SPAG16: variants seen among roughly 807,000 people sequenced by gnomAD.
SPAG16 encodes sperm-associated antigen 16 protein.
A neutral mutation model predicts 80.4 loss-of-function variants in SPAG16; 86 were observed. The ratio of observed to expected loss-of-function variants is 1.07; its 90% CI spans 0.90 to 1.28. The LOEUF (loss-of-function observed/expected upper bound fraction) is 1.28. SPAG16 is among the 50% of genes most tolerant of loss of function. The probability of loss-of-function intolerance (pLI) is 0.00; values close to 1 mark genes in which losing one functional copy is unlikely to be tolerated. For synonymous variants in SPAG16, 294 were observed against 265.9 expected (o/e 1.11, Z -1.03); for missense variants, 870 against 765.3 (o/e 1.14, Z -1.61).
chr2:213,959,816 C>A (rs2044325359), intron 12 of SPAG16, among the ~76,000 whole-genome samples: 1 of 152,176 alleles, frequency 6.6e-6, no homozygotes, highest in South Asian at 2.1e-4. Flanking sequence ...CACGCACACA[C>A]ACCTAAACCT....
chr2:214,353,517 A>T (rs1343689015), intron 15 of SPAG16, among the ~76,000 whole-genome samples: 3 of 152,156 alleles, frequency 2.0e-5, no homozygotes, highest in Admixed American at 2.0e-4. Context: ...GTCTCAGTAA[A>T]TTCTTTCTTT....
intron 9 of SPAG16, among the ~76,000 whole-genome samples, chr2:213,451,674 A>G (rs1300126274): frequency 6.6e-6 from 1 of 152,154 alleles, no homozygotes; most frequent in East Asian, 1.9e-4. Context: ...AGTGGTAGTA[A>G]AAATGTCAGG....
chr2:213,599,324 C>T (rs2060984573), intron 10 of SPAG16, among the ~76,000 whole-genome samples: 1 of 152,180 alleles, frequency 6.6e-6, no homozygotes, highest in African/African-American at 2.4e-5. Flanking sequence ...CCAAGCTCAA[C>T]TGACATAAAC....
chr2:213,408,069 GGA>G (rs1219696815), intron 9 of SPAG16, among the ~76,000 whole-genome samples: 2 of 150,940 alleles, frequency 1.3e-5, no homozygotes, highest in East Asian at 1.9e-4. Context: ...GGGAGAGGCA[GGA>G]GAGAGAGAAA....
intron 11 of SPAG16, among the ~76,000 whole-genome samples, chr2:213,920,016 G>A (rs2078138564): frequency 6.6e-6 from 1 of 152,136 alleles, no homozygotes; most frequent in Admixed American, 6.5e-5. Flanking sequence ...TCTTCTCATC[G>A]AATTGAAATC....
At chr2:213,954,289 A>C (rs905081901) in intron 12 of SPAG16, among the ~76,000 whole-genome samples, 2 of 152,042 alleles carry the variant, frequency 1.3e-5, no homozygotes, top group African/African-American at 4.8e-5. Context: ...TATAATATGC[A>C]ACCTTTGGTG....
intron 7 of SPAG16, among the ~76,000 whole-genome samples, chr2:213,360,446 C>T (rs1297805381): frequency 1.3e-5 from 2 of 152,198 alleles, no homozygotes; most frequent in African/African-American, 2.4e-5. Context: ...ATCCATTATA[C>T]AAGTCTAAAC....
At chr2:213,674,490 C>G (rs144801466) in intron 10 of SPAG16, among the ~76,000 whole-genome samples, 1,801 of 150,890 alleles carry the variant, frequency 0.012, 43 homozygotes, top group African/African-American at 0.031. Context: ...CCCACTAACT[C>G]GTCATCTAGC....
chr2:213,595,688 T>C lies in SPAG16; in HGVS notation c.1070+105598T>C, dbSNP rs142952132. On this transcript the variant is annotated intron_variant, in intron 10 of 15. Coordinates refer to ENST00000331683, the MANE Select transcript of SPAG16 (RefSeq NM_024532.5). ...AAATAAATTAAATTGCTACCTTAAGTAATATGGTGGATTTTAAGTTCCAAA... is the reference window on the plus strand; with the variant it reads ...AAATAAATTAAATTGCTACCTTAAGCAATATGGTGGATTTTAAGTTCCAAA... 1.8e-3 allele frequency among the ~76,000 whole-genome samples: 267 copies of C among 152,240 alleles called. 1 individual carries two copies. Among genetic ancestry groups the C allele is most frequent in the African/African-American group, 6.3e-3 (260 of 41,574 alleles).
chr2:213,677,084 T>C (rs1406314894), intron 10 of SPAG16, among the ~76,000 whole-genome samples: 1 of 152,076 alleles, frequency 6.6e-6, no homozygotes, highest in Admixed American at 6.6e-5. Flanking sequence ...TATTCAGAGA[T>C]TCAACTTCTT....
At chr2:213,400,625 G>A (rs1293779152) in intron 9 of SPAG16, among the ~76,000 whole-genome samples, 1 of 152,048 alleles carries the variant, frequency 6.6e-6, no homozygotes, top group Non-Finnish European at 1.5e-5. Flanking sequence ...ATATAGCTGG[G>A]CATATAGTTA....
At chr2:213,857,813 G>T (rs1412770217) in intron 10 of SPAG16, among the ~76,000 whole-genome samples, 1 of 152,092 alleles carries the variant, frequency 6.6e-6, no homozygotes, top group Non-Finnish European at 1.5e-5. Flanking sequence ...AAAACCTTCT[G>T]GAAAGAGACT....
intron 13 of SPAG16, among the ~76,000 whole-genome samples, chr2:214,090,403 G>C (rs2052100680): frequency 6.6e-6 from 1 of 151,812 alleles, no homozygotes; most frequent in Admixed American, 6.6e-5. Flanking sequence ...CCGGAAAATA[G>C]ACTGTGACGA....
At chr2:213,453,210 A>G (rs1198796129) in intron 9 of SPAG16, among the ~76,000 whole-genome samples, 1 of 152,110 alleles carries the variant, frequency 6.6e-6, no homozygotes, top group Admixed American at 6.5e-5. Flanking sequence ...TTCCATTTCA[A>G]GCTCTGAGAG....
chr2:214,200,753 G>A (rs1268650274), intron 15 of SPAG16, among the ~76,000 whole-genome samples: 1 of 152,054 alleles, frequency 6.6e-6, no homozygotes, highest in African/African-American at 2.4e-5. Flanking sequence ...ATAAATTCGA[G>A]GTTTTTGAGA....
At chr2:214,191,169 CA>C (rs1278855464) in intron 15 of SPAG16, among the ~76,000 whole-genome samples, 2 of 152,006 alleles carry the variant, frequency 1.3e-5, no homozygotes, top group African/African-American at 4.8e-5. Context: ...ACAGATAGGA[CA>C]GAGACCACCT....
chr2:213,648,262 C>A (rs369680649), intron 10 of SPAG16, among the ~76,000 whole-genome samples: 3 of 152,094 alleles, frequency 2.0e-5, no homozygotes, highest in East Asian at 3.9e-4. Flanking sequence ...TTGGGAATGA[C>A]TACAAAGGGT....
chr2:214,380,616 AAATT>A (rs1181849658), intron 15 of SPAG16, among the ~76,000 whole-genome samples: 1 of 152,374 alleles, frequency 6.6e-6, no homozygotes, highest in South Asian at 2.1e-4. Flanking sequence ...ATTTAAAGAC[AAATT>A]AATTAACACA....
At chr2:213,645,719 G>T (rs1295862038) in intron 10 of SPAG16, among the ~76,000 whole-genome samples, 1 of 152,156 alleles carries the variant, frequency 6.6e-6, no homozygotes, top group Non-Finnish European at 1.5e-5. Flanking sequence ...GGGGATTAGG[G>T]GAGGGGTGAT....
Sources: allele counts gnomAD v4.1 joint callset (sites outside exome capture counted in the v4.1 genomes callset), GRCh38; gene constraint gnomAD v4.1.1; transcripts MANE v1.5; gene names NCBI Gene and HGNC (gene_info 2026-07-23, HGNC 2026-07-21).